Variants in RAB3IL1 observed in about 807,000 individuals in gnomAD.
RAB3IL1 encodes the protein RAB3A interacting protein like 1, also known as guanine nucleotide exchange factor for Rab-3A.
A neutral mutation model predicts 49.2 loss-of-function variants in RAB3IL1; 37 were observed. The ratio of observed to expected loss-of-function variants is 0.75; its 90% CI spans 0.58 to 0.99. The LOEUF is 0.99. Among genes scored for constraint, RAB3IL1 ranks in the 50% least tolerant of loss-of-function variants. The pLI, the probability that RAB3IL1 is intolerant of heterozygous loss-of-function variation, is 0.00. For synonymous variants in RAB3IL1, 193 were observed against 213.9 expected (o/e 0.90, Z 0.85); for missense variants, 484 against 513.0 (o/e 0.94, Z 0.55).
intron 1 of RAB3IL1, 92 bp downstream of exon 1, chr11:61,917,265 G>C: frequency 7.5e-7 from 1 of 1,330,252 alleles, no homozygotes. Context: ...GGGTGGCGGC[G>C]CAGACCCGGC....
At chr11:61,918,648 G>T (rs867835309), upstream of RAB3IL1, among the ~76,000 whole-genome samples, 1 of 152,322 alleles carries the variant, frequency 6.6e-6, no homozygotes, top group Middle Eastern at 3.4e-3. Context: ...GGAGGATGGG[G>T]GACGTATTCT....
At chr11:61,934,450 G>GTGTATGTGTATA in the RAB3IL1 span, among the ~76,000 whole-genome samples, 1 of 31,618 alleles carries the variant, frequency 3.2e-5, no homozygotes, top group African/African-American at 9.1e-5. Flanking sequence ...GTGTGTGTAT[G>GTGTATGTGTATA]TATATATATA....
chr11:61,940,411 A>T, the RAB3IL1 span, among the ~76,000 whole-genome samples: 1 of 151,930 alleles, frequency 6.6e-6, no homozygotes, highest in Non-Finnish European at 1.5e-5. Flanking sequence ...ATTGCATTCC[A>T]GCCTGGGCAA....
chr11:61,919,473 G>A (rs1032418905), upstream of RAB3IL1, among the ~76,000 whole-genome samples: 5 of 152,266 alleles, frequency 3.3e-5, no homozygotes, highest in South Asian at 4.1e-4. Context: ...GGATGGGCTC[G>A]GAGAAGTTAA....
upstream of RAB3IL1, among the ~76,000 whole-genome samples, chr11:61,922,844 G>A (rs912344544): frequency 3.9e-5 from 6 of 152,218 alleles, no homozygotes; most frequent in Non-Finnish European, 8.8e-5. Flanking sequence ...CCCGCTTCCT[G>A]TTTTTGCTCC....
At chr11:61,922,897 T>G (rs550543453), upstream of RAB3IL1, among the ~76,000 whole-genome samples, 2 of 152,334 alleles carry the variant, frequency 1.3e-5, no homozygotes, top group Admixed American at 1.3e-4. Flanking sequence ...CCCACCTTCC[T>G]CTGCTGGGCA....
the RAB3IL1 span, among the ~76,000 whole-genome samples, chr11:61,937,329 C>T: frequency 4.3e-4 from 65 of 151,978 alleles, no homozygotes; most frequent in Non-Finnish European, 8.8e-5. Flanking sequence ...GTTTTTGAGA[C>T]CAGGTCTTGC....
the RAB3IL1 span, among the ~76,000 whole-genome samples, chr11:61,941,871 G>A: frequency 6.6e-6 from 1 of 152,174 alleles, no homozygotes; most frequent in Non-Finnish European, 1.5e-5. Flanking sequence ...TCGTGTCCAT[G>A]TGGGATTTAT....
chr11:61,915,244 G>T (rs1452306826), intron 1 of RAB3IL1, among the ~76,000 whole-genome samples: 1 of 152,210 alleles, frequency 6.6e-6, no homozygotes, highest in Non-Finnish European at 1.5e-5. Context: ...TGAGGATTCT[G>T]TGGGGGTCAG....
At chr11:61,908,455 G>A in intron 1 of RAB3IL1, 149 bp from the exon 2 acceptor site, 1 of 945,940 alleles carries the variant, frequency 1.1e-6, no homozygotes. Flanking sequence ...TATCATCAGT[G>A]TTGTTACAAG....
chr11:61,943,005 G>A, the RAB3IL1 span, among the ~76,000 whole-genome samples: 8 of 152,156 alleles, frequency 5.3e-5, no homozygotes, highest in South Asian at 1.4e-3. Flanking sequence ...TGGGCAAGGC[G>A]ATCCTAAAAT....
At chr11:61,900,179 G>A (rs1030843165) in intron 8 of RAB3IL1, among the ~76,000 whole-genome samples, 6 of 152,232 alleles carry the variant, frequency 3.9e-5, no homozygotes, top group Admixed American at 6.5e-5. Flanking sequence ...CTAAGAGCCC[G>A]GTGGATGGGG....
Position 61,898,538 on chromosome 11 carries a change from C to T in RAB3IL1, c.1067-178G>A, listed in dbSNP as rs890484417. ...ACCTCTCTGAGGCTCCACTCTTGAGCCTTGGAAACTGCTGAGTGCCGACCA... is the reference window on the plus strand; with the variant it reads ...ACCTCTCTGAGGCTCCACTCTTGAGTCTTGGAAACTGCTGAGTGCCGACCA... On this transcript the variant is annotated intron_variant, in intron 9 of 9. Transcript: ENST00000394836. This position sits in a 1 kb window ranked among gnomAD's most constrained non-coding sequence, Gnocchi z 5.1. 6.6e-6 allele frequency among the ~76,000 whole-genome samples: 1 copy of T among 152,184 alleles called. No individual in the cohort carries two copies. The highest frequency in any genetic ancestry group is 1.9e-4 in the East Asian group (1 of 5,194).
chr11:61,945,861 G>A, the RAB3IL1 span: 5 of 956,664 alleles, frequency 5.2e-6, no homozygotes, highest in Non-Finnish European at 6.2e-6. Flanking sequence ...TCCAGCTCTG[G>A]TCTATTCCAT....
chr11:61,903,881 C>G (rs1939043597), intron 7 of RAB3IL1, among the ~76,000 whole-genome samples: 1 of 152,052 alleles, frequency 6.6e-6, no homozygotes. Flanking sequence ...TGTGAAGGCT[C>G]TTTATACTCT....
At chr11:61,932,997 C>G in the RAB3IL1 span, among the ~76,000 whole-genome samples, 1 of 152,116 alleles carries the variant, frequency 6.6e-6, no homozygotes, top group South Asian at 2.1e-4. Context: ...TCTCAAACTC[C>G]TGACCTTGTG....
upstream of RAB3IL1, among the ~76,000 whole-genome samples, chr11:61,919,284 C>T (rs577093624): frequency 2.2e-4 from 33 of 152,290 alleles, no homozygotes; most frequent in African/African-American, 7.9e-4. Context: ...CGGGGAGGCC[C>T]TTGAGCGAGG....
the RAB3IL1 span, among the ~76,000 whole-genome samples, chr11:61,930,697 T>C: frequency 1.3e-5 from 2 of 152,106 alleles, no homozygotes; most frequent in African/African-American, 4.8e-5. Context: ...AGGATCACTT[T>C]AGCCTGGGAA....
intron 1 of RAB3IL1, among the ~76,000 whole-genome samples, chr11:61,910,135 G>C (rs1939394951): frequency 6.6e-6 from 1 of 152,198 alleles, no homozygotes; most frequent in Admixed American, 6.5e-5. Context: ...TCACGCAGCT[G>C]GTCAGTGACA....
Sources: gnomAD v4.1 joint callset for allele counts (sites outside exome capture counted in the v4.1 genomes callset) on GRCh38, gnomAD v4.1.1 for gene constraint, Gnocchi (gnomAD v3.1) non-coding constraint, MANE v1.5 for transcripts, NCBI Gene and HGNC (gene_info 2026-07-23, HGNC 2026-07-21) for gene names.